The following NEXMIF variants were observed in gnomAD, a reference collection of about 807,000 sequenced individuals.
NEXMIF encodes the protein XLMR protein related to neurite extension.
In NEXMIF, 8 loss-of-function variants were observed where a neutral mutation model predicts 62.1. That is an observed-to-expected ratio of 0.13 (90% CI 0.08 to 0.23). NEXMIF has a LOEUF of 0.23. NEXMIF is among the 10% of genes least tolerant of loss of function. The probability of loss-of-function intolerance (pLI) is 1.00; values close to 1 mark genes in which losing one functional copy is unlikely to be tolerated. For synonymous variants in NEXMIF, 404 were observed against 416.6 expected (o/e 0.97, Z 0.37); for missense variants, 976 against 1,113.3 (o/e 0.88, Z 1.75).
chrX:74,890,201 A>C (rs1303018665), intron 1 of NEXMIF, among the ~76,000 whole-genome samples: 1 of 111,026 alleles, frequency 9.0e-6, no homozygotes, highest in Non-Finnish European at 1.9e-5. Flanking sequence ...TGTTTCTCTC[A>C]ACCAACTACA....
intron 1 of NEXMIF, among the ~76,000 whole-genome samples, chrX:74,759,309 T>C (rs1374464441): frequency 8.9e-6 from 1 of 112,516 alleles, no homozygotes; most frequent in Non-Finnish European, 1.9e-5. Context: ...ATGCATAGTT[T>C]GTAAAAATTT....
chrX:74,837,104 C>A (rs1179809609), intron 1 of NEXMIF, among the ~76,000 whole-genome samples: 3 of 108,818 alleles, frequency 2.8e-5, no homozygotes, highest in African/African-American at 9.9e-5. Flanking sequence ...ATATAATGTC[C>A]CCAGTCACTT....
chrX:74,784,548 T>C (rs1284884829), intron 1 of NEXMIF, among the ~76,000 whole-genome samples: 1 of 110,973 alleles, frequency 9.0e-6, no homozygotes, highest in African/African-American at 3.3e-5. Context: ...TCTTTACTCA[T>C]ATGTATAATA....
intron 1 of NEXMIF, among the ~76,000 whole-genome samples, chrX:74,869,063 T>C (rs1010948543): frequency 9.0e-6 from 1 of 111,518 alleles, no homozygotes; most frequent in African/African-American, 3.3e-5. Context: ...CTGATGAATA[T>C]TGATGCAAAA....
intron 1 of NEXMIF, among the ~76,000 whole-genome samples, chrX:74,874,484 T>C (rs1355725712): frequency 9.1e-6 from 1 of 110,475 alleles, no homozygotes; most frequent in Non-Finnish European, 1.9e-5. Context: ...GGGCTCTTTT[T>C]TGGTTCCATA....
chrX:74,777,766 A>C (rs1012467986), intron 1 of NEXMIF, among the ~76,000 whole-genome samples: 5 of 111,870 alleles, frequency 4.5e-5, no homozygotes, highest in African/African-American at 1.6e-4. Context: ...AGACACACCA[A>C]AAACAGAATC....
chrX:74,810,795 A>T (rs140312456), intron 1 of NEXMIF, among the ~76,000 whole-genome samples: 331 of 111,517 alleles, frequency 3.0e-3, no homozygotes, highest in African/African-American at 9.9e-3. Flanking sequence ...ATGGAATAAT[A>T]TGAATGAAGG....
chrX:74,762,187 A>T (rs2080178784), intron 1 of NEXMIF, among the ~76,000 whole-genome samples: 1 of 97,171 alleles, frequency 1.0e-5, no homozygotes, highest in South Asian at 5.2e-4. Flanking sequence ...TCATTGTTCA[A>T]TTCCCACCTA....
At chrX:74,864,406 C>G (rs1429084096) in intron 1 of NEXMIF, among the ~76,000 whole-genome samples, 1 of 111,991 alleles carries the variant, frequency 8.9e-6, no homozygotes, top group Non-Finnish European at 1.9e-5. Flanking sequence ...GGCTGTGTCC[C>G]CACCCAAACC....
chrX:74,881,329 T>A (rs1489372798), intron 1 of NEXMIF, among the ~76,000 whole-genome samples: 1 of 108,980 alleles, frequency 9.2e-6, no homozygotes, highest in Non-Finnish European at 1.9e-5. Context: ...CTTAAGGTAC[T>A]CTGAGGGCTT....
At chrX:74,860,655 G>C (rs1263815450) in intron 1 of NEXMIF, among the ~76,000 whole-genome samples, 1 of 111,371 alleles carries the variant, frequency 9.0e-6, no homozygotes, top group Non-Finnish European at 1.9e-5. Context: ...AATGACCAAT[G>C]GTCAATGAAT....
At position 74,734,677 on chromosome X, in the gene NEXMIF, T is replaced by C. The variant is rs1454014565; in HGVS notation, c.*4728A>G. Reference sequence around the variant, plus strand: ...GATTTTGAAAGCCTCATTCACACCATAAACTTTGTTCTAAACCTCTGTCTT... The same window carrying C: ...GATTTTGAAAGCCTCATTCACACCACAAACTTTGTTCTAAACCTCTGTCTT... On this transcript the variant is annotated 3_prime_UTR_variant, in exon 4 of 4. Transcript: ENST00000055682. 1 of 112,048 alleles carries C rather than the reference T, an allele frequency of 8.9e-6. No individual in the cohort carries two copies. Among genetic ancestry groups the C allele is most frequent in the Non-Finnish European group, 1.9e-5 (1 of 53,167 alleles). The allele number at this position is 112,048 out of a possible 1,213,427, so 9.2% of individuals were successfully genotyped here.
At chrX:74,875,443 G>T (rs937026391) in intron 1 of NEXMIF, among the ~76,000 whole-genome samples, 8 of 111,965 alleles carry the variant, frequency 7.1e-5, no homozygotes, top group Non-Finnish European at 1.1e-4. Flanking sequence ...AAGGATATTG[G>T]TCTAAAATTC....
At chrX:74,766,041 CAAAAAA>C (rs35891512) in intron 1 of NEXMIF, among the ~76,000 whole-genome samples, 2 of 78,856 alleles carry the variant, frequency 2.5e-5, no homozygotes, top group Non-Finnish European at 2.3e-5. Context: ...ACTCTGTCTC[CAAAAAA>C]AAAAAAAAAA....
intron 1 of NEXMIF, among the ~76,000 whole-genome samples, chrX:74,798,901 T>C (rs2080320521): frequency 1.1e-5 from 1 of 88,869 alleles, no homozygotes; most frequent in Admixed American, 1.3e-4. Flanking sequence ...AAAGGAAAGA[T>C]GTAAAGAAAA....
chrX:74,819,393 T>C (rs1309680240), intron 1 of NEXMIF, among the ~76,000 whole-genome samples: 2 of 111,580 alleles, frequency 1.8e-5, no homozygotes, highest in East Asian at 5.6e-4. Context: ...TCAGAGTGAA[T>C]AGGCAACCTA....
chrX:74,786,210 G>GGGTTT (rs990221687), intron 1 of NEXMIF, among the ~76,000 whole-genome samples: 2 of 111,486 alleles, frequency 1.8e-5, no homozygotes, highest in African/African-American at 6.5e-5. Context: ...TTTCTGCTCA[G>GGGTTT]GGTTTGGAAT....
At chrX:74,800,890 G>A (rs2080327699) in intron 1 of NEXMIF, among the ~76,000 whole-genome samples, 1 of 110,895 alleles carries the variant, frequency 9.0e-6, no homozygotes. Flanking sequence ...TTTGAGGAAT[G>A]TATAATGATA....
intron 2 of NEXMIF, 43 bp from the exon 3 acceptor site, chrX:74,744,520 CT>C: frequency 1.0e-6 from 1 of 987,691 alleles, no homozygotes; most frequent in African/African-American, 1.9e-5. Context: ...AATTAAGAGT[CT>C]TAGACCAGAC....
Sources: allele counts gnomAD v4.1 joint callset (sites outside exome capture counted in the v4.1 genomes callset), GRCh38; gene constraint gnomAD v4.1.1; transcripts MANE v1.5; gene names NCBI Gene and HGNC (gene_info 2026-07-23, HGNC 2026-07-21).